CDH13: variants seen among roughly 807,000 people sequenced by gnomAD.
CDH13 encodes the protein cadherin 13.
CDH13 carries 24 observed loss-of-function variants against 63.8 expected under a neutral mutation model. The observed-to-expected ratio is 0.38, with a 90% CI of 0.27 to 0.53. The LOEUF is 0.53. CDH13 is among the 20% of genes least tolerant of loss of function. The pLI, the probability that CDH13 is intolerant of heterozygous loss-of-function variation, is 0.85. For missense variants in CDH13, 1,049 were observed against 903.1 expected (o/e 1.16, Z -2.07); for synonymous variants, 503 against 355.3 (o/e 1.42, Z -4.67).
intron 7 of CDH13, among the ~76,000 whole-genome samples, chr16:83,590,903 C>CTTTTTTTTTT (rs34324940): frequency 1.1e-5 from 1 of 88,852 alleles, no homozygotes; most frequent in Non-Finnish European, 2.1e-5. Context: ...CCAGGGGATT[C>CTTTTTTTTTT]TTTTTTTTTT....
At chr16:83,428,720 C>G (rs555244717) in intron 6 of CDH13, among the ~76,000 whole-genome samples, 2 of 152,290 alleles carry the variant, frequency 1.3e-5, no homozygotes, top group African/African-American at 4.8e-5. Flanking sequence ...GTTTGCGATT[C>G]TCTTCTTGCC....
chr16:82,736,112 T>A (rs1044433877), intron 1 of CDH13, among the ~76,000 whole-genome samples: 1 of 152,228 alleles, frequency 6.6e-6, no homozygotes, highest in African/African-American at 2.4e-5. Context: ...GTCAGTAAGC[T>A]GCGCTGAGGT....
intron 10 of CDH13, among the ~76,000 whole-genome samples, chr16:83,688,239 C>G (rs879835838): frequency 6.6e-6 from 1 of 152,258 alleles, no homozygotes; most frequent in African/African-American, 2.4e-5. Flanking sequence ...GGCGATGGGA[C>G]ATTTTATTCT....
intron 5 of CDH13, among the ~76,000 whole-genome samples, chr16:83,264,452 T>C (rs970894254): frequency 6.6e-6 from 1 of 152,262 alleles, no homozygotes; most frequent in South Asian, 2.1e-4. Flanking sequence ...TGTGGATATA[T>C]ACATCGTATA....
intron 8 of CDH13, among the ~76,000 whole-genome samples, chr16:83,608,943 T>C (rs937776624): frequency 5.9e-5 from 9 of 152,318 alleles, no homozygotes; most frequent in South Asian, 4.1e-4. Context: ...TCATTGTCTA[T>C]AGAAATATAA....
chr16:82,766,308 AT>A (rs2035052005), intron 1 of CDH13, among the ~76,000 whole-genome samples: 1 of 152,348 alleles, frequency 6.6e-6, no homozygotes, highest in African/African-American at 2.4e-5. Flanking sequence ...TAGCTGATAT[AT>A]TTAACACCAG....
intron 6 of CDH13, among the ~76,000 whole-genome samples, chr16:83,438,097 C>G (rs1474244375): frequency 6.6e-6 from 1 of 152,208 alleles, no homozygotes; most frequent in Non-Finnish European, 1.5e-5. Flanking sequence ...CTGTCCTGCT[C>G]AAAACCCCTT....
intron 3 of CDH13, among the ~76,000 whole-genome samples, chr16:83,118,714 C>T (rs1001133049): frequency 3.9e-5 from 6 of 152,118 alleles, no homozygotes; most frequent in African/African-American, 1.4e-4. Flanking sequence ...TTCTCATAAC[C>T]TAGAGGACGG....
At chr16:82,933,039 T>C (rs1448743908) in intron 2 of CDH13, among the ~76,000 whole-genome samples, 1 of 152,196 alleles carries the variant, frequency 6.6e-6, no homozygotes, top group Non-Finnish European at 1.5e-5. Flanking sequence ...TTATGACATA[T>C]CTTTGAGAAA....
intron 5 of CDH13, among the ~76,000 whole-genome samples, chr16:83,318,043 T>C (rs1466194150): frequency 6.6e-6 from 1 of 152,194 alleles, no homozygotes; most frequent in Non-Finnish European, 1.5e-5. Context: ...GTAGTCAGCC[T>C]CAGTTTTCCC....
chr16:83,007,635 G>C (rs1913671146), intron 2 of CDH13, among the ~76,000 whole-genome samples: 1 of 152,052 alleles, frequency 6.6e-6, no homozygotes, highest in African/African-American at 2.4e-5. Context: ...TTTGAGACCA[G>C]CCTAGGCAGC....
chr16:83,114,830 A>G (rs1460951290), intron 3 of CDH13, among the ~76,000 whole-genome samples: 1 of 152,202 alleles, frequency 6.6e-6, no homozygotes, highest in East Asian at 1.9e-4. Context: ...TGGCTGAACC[A>G]TGTGTTTGAT....
chr16:83,101,515 G>A (rs2034477828), intron 3 of CDH13, among the ~76,000 whole-genome samples: 2 of 151,926 alleles, frequency 1.3e-5, no homozygotes, highest in African/African-American at 4.8e-5. Context: ...GGTAGAGGCT[G>A]GGCGTGGTGG....
chr16:83,099,715 T>C (rs1029904025), intron 3 of CDH13, among the ~76,000 whole-genome samples: 1 of 151,798 alleles, frequency 6.6e-6, no homozygotes, highest in African/African-American at 2.4e-5. Flanking sequence ...CTTTGCCAAT[T>C]ACTTTACCTA....
intron 6 of CDH13, among the ~76,000 whole-genome samples, chr16:83,376,432 G>C (rs753172317): frequency 8.5e-5 from 13 of 152,174 alleles, no homozygotes; most frequent in Non-Finnish European, 1.2e-4. Context: ...CTGATATCAA[G>C]AGCAAGGAGA....
chr16:83,020,887 A>C (rs528736824), intron 2 of CDH13, among the ~76,000 whole-genome samples: 3 of 152,354 alleles, frequency 2.0e-5, no homozygotes, highest in South Asian at 2.1e-4. Context: ...ACACTTTGTC[A>C]CATGTCCCTA....
At chr16:82,657,879 C>A (rs888942905) in intron 1 of CDH13, among the ~76,000 whole-genome samples, 1 of 152,122 alleles carries the variant, frequency 6.6e-6, no homozygotes, top group African/African-American at 2.4e-5. Context: ...AGTTTTGTTT[C>A]TTACTTTCCA....
chr16:82,816,447 C>G (rs185801197), intron 1 of CDH13, among the ~76,000 whole-genome samples: 10 of 152,136 alleles, frequency 6.6e-5, no homozygotes, highest in Admixed American at 1.3e-4. Context: ...ATGGCAAAGG[C>G]TATGGAGAAA....
chr16:83,553,551 TTTG>T (rs910388541), intron 7 of CDH13, among the ~76,000 whole-genome samples: 6 of 152,176 alleles, frequency 3.9e-5, no homozygotes, highest in East Asian at 3.8e-4. Context: ...ATGGGTTTTT[TTTG>T]TTGTTGTTGT....
Sources: gnomAD v4.1 joint callset for allele counts (sites outside exome capture counted in the v4.1 genomes callset) on GRCh38, gnomAD v4.1.1 for gene constraint, MANE v1.5 for transcripts, NCBI Gene and HGNC (gene_info 2026-07-23, HGNC 2026-07-21) for gene names.